BARX2: variants seen among roughly 807,000 people sequenced by gnomAD.
BARX2 encodes the protein BARX homeobox 2.
In BARX2, 11 loss-of-function variants were observed where a neutral mutation model predicts 25.5. The ratio of observed to expected loss-of-function variants is 0.43; its 90% CI spans 0.27 to 0.71. The LOEUF (loss-of-function observed/expected upper bound fraction) is 0.71, where lower values mean the gene tolerates loss of function less well. Among genes scored for constraint, BARX2 ranks in the 30% least tolerant of loss-of-function variants. The probability of loss-of-function intolerance (pLI) is 0.19; values close to 1 mark genes in which losing one functional copy is unlikely to be tolerated. For missense variants in BARX2, 360 were observed against 359.9 expected (o/e 1.00, Z 0.00); for synonymous variants, 137 against 149.5 (o/e 0.92, Z 0.61).
chr11:129,410,382 G>C (rs903759887), intron 1 of BARX2, among the ~76,000 whole-genome samples: 1 of 152,120 alleles, frequency 6.6e-6, no homozygotes, highest in Non-Finnish European at 1.5e-5. Flanking sequence ...GTTAATGACA[G>C]CTTTCTTTAT....
At chr11:129,410,561 T>C (rs1056698551) in intron 1 of BARX2, among the ~76,000 whole-genome samples, 1 of 152,058 alleles carries the variant, frequency 6.6e-6, no homozygotes, top group African/African-American at 2.4e-5. Flanking sequence ...ATGGGAGGGG[T>C]GTGTGGGGCT....
At chr11:129,381,660 G>A (rs1348704920) in intron 1 of BARX2, among the ~76,000 whole-genome samples, 1 of 152,128 alleles carries the variant, frequency 6.6e-6, no homozygotes, top group African/African-American at 2.4e-5. Flanking sequence ...ATAGAAACAT[G>A]GATAGTATAA....
intron 1 of BARX2, among the ~76,000 whole-genome samples, chr11:129,410,966 T>C (rs1213222517): frequency 6.6e-6 from 1 of 152,168 alleles, no homozygotes; most frequent in African/African-American, 2.4e-5. Context: ...TATAACAAGA[T>C]TGTTTCCAAG....
chr11:129,450,640 CAGTCTT>C (rs1395391055), intron 3 of BARX2, among the ~76,000 whole-genome samples: 2 of 152,220 alleles, frequency 1.3e-5, no homozygotes, highest in Non-Finnish European at 2.9e-5. Context: ...ATCTTTGTCT[CAGTCTT>C]AGATAATTTT....
rs571418971 is a variant in BARX2 at position 129,442,307 on chromosome 11, A to C, written c.489-528A>C. Among the ~76,000 whole-genome samples the C allele has an allele frequency of 2.0e-5, 3 of 152,266 alleles. No individual in the cohort carries two copies. In the East Asian group the frequency reaches 5.8e-4, roughly 30 times the overall value. ...CAGAAATAACACAGTTGGAGTGATC[A>C]GAGAACAGCAGGAAACGTGGGACCA... On this transcript the variant is annotated intron_variant, in intron 2 of 3. Coordinates refer to ENST00000281437, the MANE Select transcript of BARX2 (RefSeq NM_003658.5).
intron 1 of BARX2, among the ~76,000 whole-genome samples, chr11:129,414,010 G>A (rs1194461097): frequency 6.6e-6 from 1 of 151,690 alleles, no homozygotes; most frequent in Non-Finnish European, 1.5e-5. Flanking sequence ...AGCTTGCAGT[G>A]AGCCGAGATC....
At chr11:129,434,830 C>T (rs1057291375) in intron 1 of BARX2, among the ~76,000 whole-genome samples, 13 of 152,110 alleles carry the variant, frequency 8.5e-5, no homozygotes, top group Admixed American at 7.9e-4. Flanking sequence ...CCTATTTCCC[C>T]GTATGCTTGC....
chr11:129,414,350 G>T (rs1861921905), intron 1 of BARX2, among the ~76,000 whole-genome samples: 1 of 151,574 alleles, frequency 6.6e-6, no homozygotes, highest in South Asian at 2.1e-4. Flanking sequence ...TGTTTTATAT[G>T]GCTTATCTAA....
rs1862280165 is a variant in BARX2, at chr11:129,442,871, G to A, written c.525G>A (p.Leu175=). 1.9e-6 allele frequency: 3 copies of A among 1,613,884 alleles called. No individual in the cohort carries two copies. Among genetic ancestry groups the A allele is most frequent in the Non-Finnish European group, 1.7e-6 (2 of 1,179,936 alleles). ...CTCAGTCTCTGGGACTCACTCAGCT[G>A]CAGGTGAAGACCTGGTATCAGAATC... ...DLAQSLGLTQ[L]QVKTWYQNRR... The change falls in exon 3 of 4, where the codon CTG becomes CTA. Residue 175 remains leucine (L), a synonymous_variant. Coordinates refer to ENST00000281437, the MANE Select transcript of BARX2 (RefSeq NM_003658.5).
chr11:129,398,797 T>TA (rs1368629665), intron 1 of BARX2, among the ~76,000 whole-genome samples: 1 of 152,236 alleles, frequency 6.6e-6, no homozygotes, highest in Non-Finnish European at 1.5e-5. Context: ...GCATTGTTAG[T>TA]AAAAGCTAAG....
At chr11:129,392,721 T>G (rs1369061493) in intron 1 of BARX2, among the ~76,000 whole-genome samples, 1 of 152,044 alleles carries the variant, frequency 6.6e-6, no homozygotes, top group African/African-American at 2.4e-5. Flanking sequence ...AAGCAATTCT[T>G]GGGCCTCAGC....
At chr11:129,396,408 C>G (rs866054215) in intron 1 of BARX2, among the ~76,000 whole-genome samples, 24 of 146,834 alleles carry the variant, frequency 1.6e-4, no homozygotes, top group Middle Eastern at 3.4e-3. Context: ...TTTTTTTTGT[C>G]TAAGTATTTA....
intron 2 of BARX2, among the ~76,000 whole-genome samples, chr11:129,439,965 AC>A (rs1360074001): frequency 1.3e-5 from 2 of 152,002 alleles, no homozygotes; most frequent in Non-Finnish European, 2.9e-5. Context: ...GCTCCCTGAT[AC>A]CTGCCCAGGC....
chr11:129,419,627 C>T, intron 1 of BARX2, among the ~76,000 whole-genome samples: 1 of 152,210 alleles, frequency 6.6e-6, no homozygotes. Context: ...AGTGAGTGTT[C>T]CTTCCTTTTG....
chr11:129,395,963 T>G lies in BARX2; in HGVS notation c.187+19741T>G, dbSNP rs1041886894. Reference sequence around the variant, plus strand: ...TTTCACCTCTGAAAAATATAGAATCTTAGATGTTTCTGTCTGTTTCTACAG... The same window carrying G: ...TTTCACCTCTGAAAAATATAGAATCGTAGATGTTTCTGTCTGTTTCTACAG... On this transcript the variant is annotated intron_variant, in intron 1 of 3. Coordinates refer to ENST00000281437, the MANE Select transcript of BARX2 (RefSeq NM_003658.5). Among the ~76,000 whole-genome samples the G allele has an allele frequency of 2.6e-5, 4 of 152,158 alleles. No homozygotes were observed. In the South Asian group the frequency reaches 8.3e-4, roughly 32 times the overall value.
At chr11:129,414,146 C>T (rs966352628) in intron 1 of BARX2, among the ~76,000 whole-genome samples, 3 of 151,642 alleles carry the variant, frequency 2.0e-5, no homozygotes, top group East Asian at 1.9e-4. Context: ...CTTACATTAC[C>T]GTGAGGAAGG....
At chr11:129,440,344 A>G (rs1172362620) in intron 2 of BARX2, among the ~76,000 whole-genome samples, 1 of 152,224 alleles carries the variant, frequency 6.6e-6, no homozygotes, top group Non-Finnish European at 1.5e-5. Context: ...TGAGCCTTCC[A>G]TTGACTAATG....
intron 1 of BARX2, among the ~76,000 whole-genome samples, chr11:129,393,211 G>A (rs1861683163): frequency 6.6e-6 from 1 of 152,098 alleles, no homozygotes; most frequent in Non-Finnish European, 1.5e-5. Flanking sequence ...TTCCAGCCTA[G>A]GCAACAGAGG....
At chr11:129,440,774 C>CTGAT (rs1862246584) in intron 2 of BARX2, among the ~76,000 whole-genome samples, 1 of 152,166 alleles carries the variant, frequency 6.6e-6, no homozygotes, top group African/African-American at 2.4e-5. Flanking sequence ...GTGGGCCTCC[C>CTGAT]TGATAGTTAG....
Sources: gnomAD v4.1 joint callset for allele counts (sites outside exome capture counted in the v4.1 genomes callset) on GRCh38, gnomAD v4.1.1 for gene constraint, MANE v1.5 for transcripts, NCBI Gene and HGNC (gene_info 2026-07-23, HGNC 2026-07-21) for gene names.